The following PAICS variants were observed in gnomAD, a reference collection of about 807,000 sequenced individuals.
The protein encoded by PAICS is bifunctional phosphoribosylaminoimidazole carboxylase/phosphoribosylaminoimidazole succinocarboxamide synthetase.
A neutral mutation model predicts 53.7 loss-of-function variants in PAICS; 33 were observed. That is an observed-to-expected ratio of 0.61 (90% CI 0.47 to 0.82). The LOEUF (loss-of-function observed/expected upper bound fraction) is 0.82. PAICS is among the 40% of genes least tolerant of loss of function. The pLI, the probability that PAICS is intolerant of heterozygous loss-of-function variation, is 0.00. For missense variants in PAICS, 394 were observed against 494.1 expected, an observed-to-expected ratio of 0.80 and a Z score of 1.92; for synonymous variants, 141 against 167.2, an observed-to-expected ratio of 0.84 and a Z score of 1.21.
chr4:56,456,457 G>A (rs1719210117), intron 8 of PAICS, among the ~76,000 whole-genome samples: 1 of 152,084 alleles, frequency 6.6e-6, no homozygotes, highest in Non-Finnish European at 1.5e-5. Context: ...GCCCAGGTGG[G>A]AGCACAGTGG....
At chr4:56,436,928 C>T (rs189898983) in intron 1 of PAICS, among the ~76,000 whole-genome samples, 15 of 152,264 alleles carry the variant, frequency 9.9e-5, no homozygotes, top group African/African-American at 3.6e-4. Context: ...AACCCGGAGG[C>T]GGAGGTTGCA....
upstream of PAICS, chr4:56,435,304 G>C (rs773422374): frequency 2.5e-6 from 4 of 1,609,494 alleles, no homozygotes; most frequent in Non-Finnish European, 3.4e-6. Context: ...AAGCGGCTCC[G>C]AGAGATGGAG....
At chr4:56,452,474 C>T (rs1317145224) in intron 7 of PAICS, among the ~76,000 whole-genome samples, 3 of 152,110 alleles carry the variant, frequency 2.0e-5, no homozygotes, top group Non-Finnish European at 2.9e-5. Flanking sequence ...CACGCCTGGC[C>T]GCTAGGCTTT....
upstream of PAICS, among the ~76,000 whole-genome samples, chr4:56,433,738 A>G (rs1717735123): frequency 6.7e-6 from 1 of 148,226 alleles, no homozygotes; most frequent in South Asian, 2.1e-4. Flanking sequence ...TCTGTCGCCC[A>G]GGCTGGAGTG....
At chr4:56,437,342 C>CAAAACCTTTAGGCA (rs1718067595) in intron 1 of PAICS, among the ~76,000 whole-genome samples, 1 of 148,810 alleles carries the variant, frequency 6.7e-6, no homozygotes, top group African/African-American at 2.5e-5. Flanking sequence ...TGAAGAACTC[C>CAAAACCTTTAGGCA]AAAACCTTTA....
At chr4:56,416,126 T>C in the PAICS span, among the ~76,000 whole-genome samples, 1 of 151,800 alleles carries the variant, frequency 6.6e-6, no homozygotes, top group African/African-American at 2.4e-5. Context: ...TTCTAAAAAC[T>C]TAAAAAATTA....
intron 2 of PAICS, chr4:56,446,348 C>T: frequency 1.4e-6 from 1 of 717,656 alleles, no homozygotes; most frequent in Non-Finnish European, 2.6e-6. Flanking sequence ...CTGAATTTGC[C>T]TATTCTAGTT....
the PAICS span, among the ~76,000 whole-genome samples, chr4:56,416,199 C>A: frequency 6.6e-6 from 1 of 152,128 alleles, no homozygotes; most frequent in African/African-American, 2.4e-5. Flanking sequence ...AATTAGATTT[C>A]TCTTTAAATA....
intron 2 of PAICS, among the ~76,000 whole-genome samples, chr4:56,444,804 GA>G (rs947452552): frequency 2.6e-4 from 40 of 152,120 alleles, no homozygotes; most frequent in African/African-American, 9.4e-4. Context: ...TTGGCGGGGG[GA>G]TCTCTCTAAG....
chr4:56,442,658 T>G (rs576254826), intron 2 of PAICS, among the ~76,000 whole-genome samples: 1 of 152,318 alleles, frequency 6.6e-6, no homozygotes, highest in East Asian at 1.9e-4. Flanking sequence ...AAAAGCTTTT[T>G]CTTTATCATT....
intron 2 of PAICS, 71 bp from the exon 3 acceptor site, chr4:56,446,624 T>A: frequency 1.1e-6 from 1 of 892,290 alleles, no homozygotes; most frequent in Non-Finnish European, 1.7e-6. Context: ...GGTAGAGTTT[T>A]ATTGTGCCTC....
chr4:56,464,352 A>C lies in PAICS; in HGVS notation c.*4814A>C, dbSNP rs1310337700. ...ATTTCAAAACACCGTATATAGTCTT[A>C]ATATGGAATTAACAATAGGGTATTG... On this transcript the variant is annotated 3_prime_UTR_variant, in exon 9 of 9. Transcript: ENST00000512576. 6.6e-6 allele frequency: 1 copy of C among 152,242 alleles called. No individual in the cohort carries two copies. Among genetic ancestry groups the C allele is most frequent in the Non-Finnish European group, 1.5e-5 (1 of 68,052 alleles). 9.4% of individuals were successfully genotyped at this position (152,242 alleles called of 1,614,324 possible). A position where few individuals can be genotyped will look rare whatever the true frequency, so the allele number is the denominator to read the frequency against.
chr4:56,412,459 G>A, the PAICS span, among the ~76,000 whole-genome samples: 2 of 151,980 alleles, frequency 1.3e-5, no homozygotes, highest in African/African-American at 4.8e-5. Context: ...TGGGGTGTGA[G>A]CCACCATGCC....
chr4:56,423,533 T>C, the PAICS span: 1 of 152,176 alleles, frequency 6.6e-6, no homozygotes, highest in Admixed American at 6.5e-5. Context: ...AAGATTTCCA[T>C]CTAAAAAGTT....
chr4:56,422,341 TCC>T, the PAICS span: 2 of 151,800 alleles, frequency 1.3e-5, no homozygotes, highest in South Asian at 4.2e-4. Flanking sequence ...CCAATATATA[TCC>T]CCTTATGTTC....
At chr4:56,433,128 G>GAATC (rs933159279), upstream of PAICS, among the ~76,000 whole-genome samples, 1 of 151,818 alleles carries the variant, frequency 6.6e-6, no homozygotes, top group African/African-American at 2.4e-5. Flanking sequence ...CTTCCAAGCA[G>GAATC]AATCAGTCCT....
the PAICS span, chr4:56,419,623 C>T: frequency 9.3e-6 from 9 of 964,870 alleles, no homozygotes; most frequent in African/African-American, 5.3e-5. Flanking sequence ...GGTATCTCTA[C>T]GTCAGTATTG....
rs575754032 is a variant in PAICS at position 56,448,402 on chromosome 4, T to C, written c.394-16T>C. On this transcript the variant is annotated splice_polypyrimidine_tract_variant and intron_variant, in intron 3 of 8. Coordinates refer to ENST00000512576, the MANE Select transcript of PAICS (RefSeq NM_001079524.2). ...TTTAGATTGAAGTTAATTGTACTAC[T>C]ATACTTTATTCACAGGATGATGCCA... 1.3e-6 allele frequency: 2 copies of C among 1,539,682 alleles called. No individual in the cohort carries two copies. The highest frequency in any genetic ancestry group is 2.0e-5 in the Admixed American group (1 of 50,144).
chr4:56,423,681 T>G, the PAICS span, among the ~76,000 whole-genome samples: 271 of 151,996 alleles, frequency 1.8e-3, 1 homozygote, highest in African/African-American at 6.2e-3. Context: ...GTTTGGCATG[T>G]TTGCATGCCA....
Sources: allele counts gnomAD v4.1 joint callset (sites outside exome capture counted in the v4.1 genomes callset), GRCh38; gene constraint gnomAD v4.1.1; transcripts MANE v1.5; gene names NCBI Gene and HGNC (gene_info 2026-07-23, HGNC 2026-07-21).